Variants in CDYL2 observed in about 807,000 individuals in gnomAD.
CDYL2 encodes the protein chromodomain Y-like protein 2.
A neutral mutation model predicts 49.4 loss-of-function variants in CDYL2; 23 were observed. That is an observed-to-expected ratio of 0.47 (90% CI 0.34 to 0.66). The LOEUF (loss-of-function observed/expected upper bound fraction) is 0.66, where lower values mean the gene tolerates loss of function less well. Ranked by LOEUF, CDYL2 falls within the 30% of genes least tolerant of loss-of-function variation. The probability of loss-of-function intolerance (pLI) is 0.01; values close to 1 mark genes in which losing one functional copy is unlikely to be tolerated. For synonymous variants in CDYL2, 360 were observed against 268.8 expected (o/e 1.34, Z -3.32); for missense variants, 678 against 656.4 (o/e 1.03, Z -0.36).
chr16:80,679,879 C>G (rs1424325825), intron 2 of CDYL2: 2 of 432,772 alleles, frequency 4.6e-6, no homozygotes, highest in Non-Finnish European at 9.3e-6. Context: ...TCAGGCTCCA[C>G]ACTACACCTA....
chr16:80,671,272 C>G (rs1909492834), intron 2 of CDYL2, among the ~76,000 whole-genome samples: 1 of 152,180 alleles, frequency 6.6e-6, no homozygotes. Flanking sequence ...GAGTTACGGA[C>G]AAGCCAGAGG....
chr16:80,779,463 T>G (rs1567604341), intron 1 of CDYL2, among the ~76,000 whole-genome samples: 1 of 152,108 alleles, frequency 6.6e-6, no homozygotes, highest in Non-Finnish European at 1.5e-5. Context: ...AATTTGACAG[T>G]ATTATCAGAA....
rs1597123032 is a variant in CDYL2 at position 80,612,982 on chromosome 16, T to A, written c.1008-146A>T. ...AGGCAAGGGCCTCATTGCCTGGACA[T>A]GGAACCACCAGCTGTCAGATTTTCT... On this transcript the variant is annotated intron_variant, in intron 4 of 6. Coordinates refer to ENST00000570137, the MANE Select transcript of CDYL2 (RefSeq NM_152342.4). This position sits in a 1 kb window ranked among gnomAD's most constrained non-coding sequence, Gnocchi z 5.0. The A allele has an allele frequency of 1.5e-6, 1 of 664,630 alleles. No individual in the cohort carries two copies. Among genetic ancestry groups the A allele is most frequent in the Non-Finnish European group, 2.5e-6 (1 of 401,408 alleles). 41.2% of individuals were successfully genotyped at this position (664,630 alleles called of 1,614,324 possible).
chr16:80,773,550 G>C (rs114591559), intron 1 of CDYL2, among the ~76,000 whole-genome samples: 2,413 of 152,158 alleles, frequency 0.016, 51 homozygotes, highest in African/African-American at 0.049. Flanking sequence ...ACAAAAAGTA[G>C]TCCCACACTA....
intron 3 of CDYL2, among the ~76,000 whole-genome samples, chr16:80,630,424 G>A (rs1255415826): frequency 1.3e-5 from 2 of 152,202 alleles, no homozygotes; most frequent in Non-Finnish European, 2.9e-5. Flanking sequence ...GAAAGAAAAT[G>A]CTGTGCCTTT....
intron 5 of CDYL2, among the ~76,000 whole-genome samples, chr16:80,611,525 A>G (rs1597121955): frequency 6.6e-6 from 1 of 152,104 alleles, no homozygotes; most frequent in Non-Finnish European, 1.5e-5. Context: ...GACCAGCTAC[A>G]TGTTCTGAAC....
chr16:80,779,577 G>C (rs115690577), intron 1 of CDYL2, among the ~76,000 whole-genome samples: 2,194 of 151,966 alleles, frequency 0.014, 59 homozygotes, highest in African/African-American at 0.051. Context: ...TTATACCCCT[G>C]TTTAAAATAC....
At position 80,695,001 on chromosome 16, in the gene CDYL2, C is replaced by T. The variant is rs1375967419; in HGVS notation, c.25-9872G>A. 3.9e-5 allele frequency among the ~76,000 whole-genome samples: 6 copies of T among 152,118 alleles called. No homozygotes were observed. The South Asian group carries it at 1.0e-3, about 26-fold the overall frequency. Reference sequence around the variant, plus strand: ...ACATGCTCCTGATAATAAGAGTAACCCAAAGAATATATATCCCAAAGAATT... The same window carrying T: ...ACATGCTCCTGATAATAAGAGTAACTCAAAGAATATATATCCCAAAGAATT... On this transcript the variant is annotated intron_variant, in intron 1 of 6. Coordinates refer to ENST00000570137, the MANE Select transcript of CDYL2 (RefSeq NM_152342.4).
rs923073063 is a variant in CDYL2 at position 80,627,033 on chromosome 16, G to C, written c.834+5986C>G. Reference sequence around the variant, plus strand: ...TACTTTCTCCTACTTTATACTGTTGGATGATTTTTTTTAATGGATAGGATT... The same window carrying C: ...TACTTTCTCCTACTTTATACTGTTGCATGATTTTTTTTAATGGATAGGATT... On this transcript the variant is annotated intron_variant, in intron 3 of 6. Transcript: ENST00000570137. 2.0e-5 allele frequency among the ~76,000 whole-genome samples: 3 copies of C among 152,218 alleles called. No homozygotes were observed. In the South Asian group the frequency reaches 6.2e-4, roughly 32 times the overall value.
chr16:80,791,463 G>GA (rs1383540794), intron 1 of CDYL2, among the ~76,000 whole-genome samples: 2 of 152,202 alleles, frequency 1.3e-5, no homozygotes, highest in African/African-American at 4.8e-5. Context: ...GGGAGATTTA[G>GA]AAAATAAGAT....
intron 2 of CDYL2, among the ~76,000 whole-genome samples, chr16:80,644,267 T>G (rs1908234480): frequency 6.6e-6 from 1 of 152,250 alleles, no homozygotes; most frequent in Non-Finnish European, 1.5e-5. Context: ...TGAGACCATC[T>G]AAGCCTGGAC....
At chr16:80,605,578 G>T (rs1185509274) in intron 6 of CDYL2, among the ~76,000 whole-genome samples, 2 of 150,502 alleles carry the variant, frequency 1.3e-5, no homozygotes, top group Non-Finnish European at 3.0e-5. Flanking sequence ...AGTAACAATA[G>T]TAATAATCAT....
rs369318628 is a variant in CDYL2, at chr16:80,601,258, C to T, written c.*3130G>A. The T allele has an allele frequency of 4.6e-5, 7 of 152,158 alleles. 1 individual carries two copies. The highest frequency in any genetic ancestry group is 4.1e-4 in the South Asian group (2 of 4,822). The allele number at this position is 152,158 out of a possible 1,614,324, so 9.4% of individuals were successfully genotyped here. A position where few individuals can be genotyped will look rare whatever the true frequency, so the allele number is the denominator to read the frequency against. ...TAAGATGCTGAGAGTGAGCCATCACCGGGGTTGGGGCAGAGAGGGAAGGAG... is the reference window on the plus strand; with the variant it reads ...TAAGATGCTGAGAGTGAGCCATCACTGGGGTTGGGGCAGAGAGGGAAGGAG... On this transcript the variant is annotated 3_prime_UTR_variant, in exon 7 of 7. Coordinates refer to ENST00000570137, the MANE Select transcript of CDYL2 (RefSeq NM_152342.4).
chr16:80,641,489 T>C (rs982991353), intron 2 of CDYL2, among the ~76,000 whole-genome samples: 1 of 151,692 alleles, frequency 6.6e-6, no homozygotes, highest in Non-Finnish European at 1.5e-5. Flanking sequence ...AAGAAATGCC[T>C]AAAGGAAGCA....
chr16:80,656,486 G>A (rs924383059), intron 2 of CDYL2, among the ~76,000 whole-genome samples: 1 of 152,258 alleles, frequency 6.6e-6, no homozygotes, highest in Non-Finnish European at 1.5e-5. Flanking sequence ...TGTCCTGCGT[G>A]TGAAATGGGA....
chr16:80,609,872 C>A (rs886861761), intron 5 of CDYL2, among the ~76,000 whole-genome samples: 1 of 152,010 alleles, frequency 6.6e-6, no homozygotes, highest in Admixed American at 6.5e-5. Context: ...AAACAACCCA[C>A]TCTAGAGCTA....
intron 1 of CDYL2, among the ~76,000 whole-genome samples, chr16:80,704,638 G>T (rs955039914): frequency 2.0e-5 from 3 of 152,246 alleles, no homozygotes; most frequent in Non-Finnish European, 4.4e-5. Flanking sequence ...GTGACATTCA[G>T]AATGGAAGGA....
At chr16:80,712,452 C>T (rs1420468134) in intron 1 of CDYL2, among the ~76,000 whole-genome samples, 4 of 151,998 alleles carry the variant, frequency 2.6e-5, no homozygotes, top group South Asian at 2.1e-4. Flanking sequence ...ATGTCGGCTG[C>T]GCCTCACATC....
intron 1 of CDYL2, among the ~76,000 whole-genome samples, chr16:80,712,024 T>G (rs1000422696): frequency 3.3e-5 from 5 of 150,446 alleles, no homozygotes; most frequent in South Asian, 2.1e-4. Flanking sequence ...TGTGTATATA[T>G]ATGTGTGTAT....
Sources: gnomAD v4.1 joint callset for allele counts (sites outside exome capture counted in the v4.1 genomes callset) on GRCh38, gnomAD v4.1.1 for gene constraint, Gnocchi (gnomAD v3.1) non-coding constraint, MANE v1.5 for transcripts, NCBI Gene and HGNC (gene_info 2026-07-23, HGNC 2026-07-21) for gene names.